DLGAP1: variants seen among roughly 807,000 people sequenced by gnomAD.
The protein encoded by DLGAP1 is disks large-associated protein 1.
DLGAP1 carries 11 observed loss-of-function variants against 90.8 expected under a neutral mutation model. That is an observed-to-expected ratio of 0.12 (90% CI 0.08 to 0.20). DLGAP1 has a LOEUF of 0.20. Among genes scored for constraint, DLGAP1 ranks in the 10% least tolerant of loss-of-function variants. DLGAP1 has a pLI of 1.00. For synonymous variants in DLGAP1, 558 were observed against 540.7 expected, an observed-to-expected ratio of 1.03 and a Z score of -0.44; for missense variants, 1,050 against 1,333.8, an observed-to-expected ratio of 0.79 and a Z score of 3.31.
chr18:3,593,255 T>C (rs1230091077), intron 7 of DLGAP1, among the ~76,000 whole-genome samples: 3 of 152,238 alleles, frequency 2.0e-5, no homozygotes, highest in Non-Finnish European at 4.4e-5. Context: ...ATGAATGAAT[T>C]TGGAGTGGTC....
chr18:4,072,197 C>G (rs1703884147), intron 2 of DLGAP1, among the ~76,000 whole-genome samples: 1 of 152,036 alleles, frequency 6.6e-6, no homozygotes, highest in African/African-American at 2.4e-5. Flanking sequence ...AAGACTTTCT[C>G]TTAGAAGAAT....
At chr18:4,207,344 A>T (rs1220533174) in intron 1 of DLGAP1, among the ~76,000 whole-genome samples, 1 of 152,148 alleles carries the variant, frequency 6.6e-6, no homozygotes, top group Non-Finnish European at 1.5e-5. Flanking sequence ...ACTTACTACC[A>T]CAAGAACAGG....
At chr18:3,776,142 C>T (rs1187382685) in intron 5 of DLGAP1, among the ~76,000 whole-genome samples, 3 of 152,110 alleles carry the variant, frequency 2.0e-5, no homozygotes, top group Admixed American at 6.6e-5. Context: ...TTGTGCATTC[C>T]GCATACGGGA....
intron 7 of DLGAP1, among the ~76,000 whole-genome samples, chr18:3,599,615 GT>G (rs955866258): frequency 4.6e-5 from 7 of 152,126 alleles, no homozygotes; most frequent in Non-Finnish European, 8.8e-5. Flanking sequence ...AGGACAGAGA[GT>G]TTTTTGTTGT....
chr18:4,414,993 T>C (rs1284310014), intron 1 of DLGAP1, among the ~76,000 whole-genome samples: 1 of 151,852 alleles, frequency 6.6e-6, no homozygotes, highest in Admixed American at 6.6e-5. Flanking sequence ...CAAAACAACA[T>C]TGTGTTTAAA....
rs59444096 is a variant in DLGAP1 at position 4,178,202 on chromosome 18, A to AACACACACACAC, written c.-266-26927_-266-26916dup. On this transcript the variant is annotated intron_variant, in intron 1 of 12. Transcript: ENST00000315677. The stretch of plus-strand genomic sequence containing the variant: ...TAGAAATCCTACGGGTCCTGGAATA[A>AACACACACACAC]ACACACACACACACACACACACACA... 2.9e-3 allele frequency among the ~76,000 whole-genome samples: 341 copies of AACACACACACAC among 118,464 alleles called. 2 individuals are homozygous for AACACACACACAC. The highest frequency in any genetic ancestry group is 7.6e-3 in the African/African-American group (232 of 30,610). 77.7% of individuals were successfully genotyped at this position (118,464 alleles called of 152,430 possible).
chr18:4,007,575 G>T (rs566756630), intron 2 of DLGAP1, among the ~76,000 whole-genome samples: 1,801 of 152,240 alleles, frequency 0.012, 16 homozygotes, highest in Non-Finnish European at 0.015. Context: ...AGAATCACTT[G>T]AACCCAGGAG....
chr18:3,946,329 T>C (rs1413671777), intron 3 of DLGAP1, among the ~76,000 whole-genome samples: 1 of 152,190 alleles, frequency 6.6e-6, no homozygotes, highest in Non-Finnish European at 1.5e-5. Context: ...GTAGCTTGGT[T>C]CATTTGCTCA....
rs955561584 is a variant in DLGAP1, at chr18:4,005,125, C to G, written c.-82G>C. On this transcript the variant is annotated 5_prime_UTR_variant, in exon 3 of 13. Coordinates refer to ENST00000315677, the MANE Select transcript of DLGAP1 (RefSeq NM_004746.4). ...CCCAACCATGACTTACTGTTCTTAG[C>G]GCCGTTGTCATTCAATCAGGAATTC... 2.0e-5 allele frequency: 3 copies of G among 152,112 alleles called. No homozygotes were observed. The highest frequency in any genetic ancestry group is 4.4e-5 in the Non-Finnish European group (3 of 68,020). 9.4% of individuals were successfully genotyped at this position (152,112 alleles called of 1,614,324 possible). A position where few individuals can be genotyped will look rare whatever the true frequency, so the allele number is the denominator to read the frequency against.
At chr18:3,649,104 G>A (rs962528324) in intron 7 of DLGAP1, among the ~76,000 whole-genome samples, 10 of 152,232 alleles carry the variant, frequency 6.6e-5, no homozygotes, top group African/African-American at 2.4e-4. Context: ...TCGTTGATGA[G>A]TGGTGACAAA....
intron 2 of DLGAP1, among the ~76,000 whole-genome samples, chr18:4,010,946 C>T (rs926887943): frequency 2.0e-5 from 3 of 151,636 alleles, no homozygotes; most frequent in African/African-American, 4.8e-5. Context: ...GAGGCCGAGG[C>T]GAGTAGATCA....
At chr18:3,741,062 CA>C (rs2062928680) in intron 6 of DLGAP1, among the ~76,000 whole-genome samples, 2 of 117,910 alleles carry the variant, frequency 1.7e-5, no homozygotes, top group African/African-American at 3.5e-5. Flanking sequence ...CCACCATCAC[CA>C]CCACCACCAC....
chr18:3,957,894 CT>C (rs1290209868), intron 3 of DLGAP1, among the ~76,000 whole-genome samples: 336 of 139,202 alleles, frequency 2.4e-3, no homozygotes, highest in Middle Eastern at 7.3e-3. Flanking sequence ...CTATTCCATA[CT>C]TTTTTTTTTT....
chr18:4,284,805 A>G (rs1490729559), intron 1 of DLGAP1, among the ~76,000 whole-genome samples: 3 of 152,178 alleles, frequency 2.0e-5, no homozygotes, highest in Non-Finnish European at 4.4e-5. Context: ...AAAGAAGCTA[A>G]TAAAATATTA....
At chr18:4,302,508 T>A (rs796908565) in intron 1 of DLGAP1, among the ~76,000 whole-genome samples, 1 of 143,934 alleles carries the variant, frequency 6.9e-6, no homozygotes, top group Non-Finnish European at 1.5e-5. Flanking sequence ...TGTGTATTTT[T>A]AAATTTTTTT....
chr18:3,596,304 C>A (rs12326357), intron 7 of DLGAP1, among the ~76,000 whole-genome samples: 1 of 151,906 alleles, frequency 6.6e-6, no homozygotes, highest in Admixed American at 6.6e-5. Context: ...GAATTACAGC[C>A]GCCCGCCACC....
intron 3 of DLGAP1, among the ~76,000 whole-genome samples, chr18:3,907,223 A>T (rs1473349308): frequency 6.6e-6 from 1 of 152,210 alleles, no homozygotes; most frequent in Non-Finnish European, 1.5e-5. Context: ...GTATTAGGAA[A>T]ACCAAAGCAC....
intron 2 of DLGAP1, among the ~76,000 whole-genome samples, chr18:4,075,779 C>T (rs1473607691): frequency 6.6e-6 from 1 of 152,190 alleles, no homozygotes; most frequent in African/African-American, 2.4e-5. Context: ...ACAAGGCAAG[C>T]ACTGTTTCTC....
intron 1 of DLGAP1, among the ~76,000 whole-genome samples, chr18:4,224,640 G>A (rs2078147646): frequency 1.3e-5 from 2 of 152,136 alleles, no homozygotes; most frequent in South Asian, 4.1e-4. Context: ...AGAAGAGTGG[G>A]AAGAACTGTC....
Sources: allele counts gnomAD v4.1 joint callset (sites outside exome capture counted in the v4.1 genomes callset), GRCh38; gene constraint gnomAD v4.1.1; transcripts MANE v1.5; gene names NCBI Gene and HGNC (gene_info 2026-07-23, HGNC 2026-07-21).